The following SLC8A1 variants were observed in gnomAD, a reference collection of about 807,000 sequenced individuals.
The protein encoded by SLC8A1 is sodium/calcium exchanger 1.
A neutral mutation model predicts 68.3 loss-of-function variants in SLC8A1; 18 were observed. The observed-to-expected ratio is 0.26, with a 90% confidence interval of 0.18 to 0.39. SLC8A1 has a LOEUF of 0.39. Among genes scored for constraint, SLC8A1 ranks in the 10% least tolerant of loss-of-function variants. The pLI, the probability that SLC8A1 is intolerant of heterozygous loss-of-function variation, is 1.00. For missense variants in SLC8A1, 985 were observed against 1,156.7 expected (o/e 0.85, Z 2.15); for synonymous variants, 475 against 415.5 (o/e 1.14, Z -1.74).
At chr2:40,392,576 G>T (rs540396870) in intron 2 of SLC8A1, among the ~76,000 whole-genome samples, 1 of 152,088 alleles carries the variant, frequency 6.6e-6, no homozygotes, top group Non-Finnish European at 1.5e-5. Context: ...ATGGGTAAGT[G>T]CTAATTGCTG....
chr2:40,153,132 C>T (rs1208425767), intron 6 of SLC8A1, among the ~76,000 whole-genome samples: 5 of 151,854 alleles, frequency 3.3e-5, no homozygotes, highest in African/African-American at 9.7e-5. Context: ...TTTAAAGATA[C>T]CTGTGAAGTA....
intron 2 of SLC8A1, among the ~76,000 whole-genome samples, chr2:40,237,575 T>G (rs2060570838): frequency 1.3e-5 from 2 of 152,102 alleles, no homozygotes; most frequent in Non-Finnish European, 1.5e-5. Flanking sequence ...TCAGAGTAAT[T>G]TGATCGTCTG....
chr2:40,487,866 AC>A (rs1237802289), intron 1 of SLC8A1, among the ~76,000 whole-genome samples: 1 of 152,114 alleles, frequency 6.6e-6, no homozygotes, highest in African/African-American at 2.4e-5. Context: ...ATGCTTAATC[AC>A]TTTTTCATGC....
chr2:40,215,562 G>A (rs1337123132), intron 2 of SLC8A1, among the ~76,000 whole-genome samples: 2 of 147,482 alleles, frequency 1.4e-5, no homozygotes, highest in Non-Finnish European at 3.0e-5. Context: ...GCGTGAACCC[G>A]GGAAGCGGAG....
intron 2 of SLC8A1, among the ~76,000 whole-genome samples, chr2:40,225,468 ATTCTC>A (rs913886827): frequency 1.6e-4 from 24 of 149,604 alleles, no homozygotes; most frequent in African/African-American, 5.9e-4. Context: ...CATTTGTCCT[ATTCTC>A]TTCTTTTTTT....
intron 2 of SLC8A1, among the ~76,000 whole-genome samples, chr2:40,293,978 A>C (rs1041492844): frequency 1.3e-5 from 2 of 152,152 alleles, no homozygotes; most frequent in African/African-American, 4.8e-5. Flanking sequence ...GAGTATAGAA[A>C]GTGTTGGGAT....
chr2:40,389,364 G>C (rs1281817748), intron 2 of SLC8A1, among the ~76,000 whole-genome samples: 1 of 151,968 alleles, frequency 6.6e-6, no homozygotes, highest in Non-Finnish European at 1.5e-5. Flanking sequence ...TTTGGTGCCA[G>C]CCTTAAGCTA....
At chr2:40,326,593 C>A (rs147684723) in intron 2 of SLC8A1, among the ~76,000 whole-genome samples, 1 of 152,166 alleles carries the variant, frequency 6.6e-6, no homozygotes, top group South Asian at 2.1e-4. Flanking sequence ...CTCTCTTTCT[C>A]TTTCTAACTT....
chr2:40,477,256 G>C (rs371497849), intron 1 of SLC8A1, among the ~76,000 whole-genome samples: 1 of 152,174 alleles, frequency 6.6e-6, no homozygotes, highest in African/African-American at 2.4e-5. Flanking sequence ...AGAAAACACT[G>C]TTTCTCTTAC....
chr2:40,244,688 G>C (rs1044140081), intron 2 of SLC8A1, among the ~76,000 whole-genome samples: 4 of 151,938 alleles, frequency 2.6e-5, no homozygotes, highest in Admixed American at 2.6e-4. Context: ...ATTTCTAAGT[G>C]AGAAGATCCT....
chr2:40,139,742 T>G, intron 6 of SLC8A1, 66 bp from the exon 10 acceptor site: 1 of 1,536,228 alleles, frequency 6.5e-7, no homozygotes, highest in Non-Finnish European at 8.9e-7. Context: ...TCTCTCTCAA[T>G]CTCTCCTATC....
At chr2:40,351,250 C>G (rs1199250518) in intron 2 of SLC8A1, among the ~76,000 whole-genome samples, 1 of 152,106 alleles carries the variant, frequency 6.6e-6, no homozygotes, top group Non-Finnish European at 1.5e-5. Context: ...TAAACTCTCA[C>G]TGAATAAATG....
chr2:40,312,779 C>A (rs1309856341), intron 2 of SLC8A1, among the ~76,000 whole-genome samples: 1 of 152,074 alleles, frequency 6.6e-6, no homozygotes, highest in Non-Finnish European at 1.5e-5. Context: ...ACTTTATCAA[C>A]TGTAGAAAAC....
chr2:40,428,739 A>T, exon 2 of SLC8A1: 3 of 1,613,836 alleles, frequency 1.9e-6, no homozygotes, highest in Non-Finnish European at 1.7e-6. Context: ...GTGTAGAAAC[A>T]TGATTGGCTT....
At chr2:40,404,723 G>GTTGGCACGTTCAAGCT (rs1439434234) in intron 2 of SLC8A1, among the ~76,000 whole-genome samples, 4 of 152,122 alleles carry the variant, frequency 2.6e-5, no homozygotes, top group Non-Finnish European at 4.4e-5. Context: ...AAGTTGGCAC[G>GTTGGCACGTTCAAGCT]AGTGCGTTGC....
At chr2:40,211,010 A>C (rs2056486615) in intron 2 of SLC8A1, among the ~76,000 whole-genome samples, 1 of 152,144 alleles carries the variant, frequency 6.6e-6, no homozygotes, top group African/African-American at 2.4e-5. Context: ...GTGGTATATC[A>C]CCTTTGGAAA....
intron 2 of SLC8A1, among the ~76,000 whole-genome samples, chr2:40,416,468 A>G (rs1358179451): frequency 1.3e-5 from 2 of 152,198 alleles, no homozygotes; most frequent in African/African-American, 4.8e-5. Context: ...TAGAAAACAA[A>G]AAAATATCAT....
chr2:40,467,980 CA>C (rs1703791467), intron 1 of SLC8A1, among the ~76,000 whole-genome samples: 1 of 152,080 alleles, frequency 6.6e-6, no homozygotes, highest in African/African-American at 2.4e-5. Flanking sequence ...TCCTAGATCT[CA>C]GTTTGGTTGT....
At chr2:40,395,105 A>G (rs1686500191) in intron 2 of SLC8A1, among the ~76,000 whole-genome samples, 1 of 152,192 alleles carries the variant, frequency 6.6e-6, no homozygotes, top group South Asian at 2.1e-4. Context: ...TCTTTAAGAC[A>G]AAAGTTTACC....
Sources: allele counts gnomAD v4.1 joint callset (sites outside exome capture counted in the v4.1 genomes callset), GRCh38; gene constraint gnomAD v4.1.1; transcripts MANE v1.5; gene names NCBI Gene and HGNC (gene_info 2026-07-23, HGNC 2026-07-21).